RYR2: variants seen among roughly 807,000 people sequenced by gnomAD.
RYR2 encodes ryanodine receptor 2.
A neutral mutation model predicts 601.1 loss-of-function variants in RYR2; 227 were observed. The observed-to-expected ratio is 0.38, with a 90% CI of 0.34 to 0.42. The LOEUF is 0.42. Ranked by LOEUF, RYR2 falls within the 10% of genes least tolerant of loss-of-function variation. The probability of loss-of-function intolerance (pLI) is 1.00; values close to 1 mark genes in which losing one functional copy is unlikely to be tolerated. For missense variants in RYR2, 4,646 were observed against 6,156.5 expected (o/e 0.75, Z 8.21); for synonymous variants, 2,223 against 2,175.1 (o/e 1.02, Z -0.61).
intron 73 of RYR2, among the ~76,000 whole-genome samples, chr1:237,720,253 G>A (rs1689609443): frequency 6.6e-6 from 1 of 152,114 alleles, no homozygotes; most frequent in Admixed American, 6.5e-5. Context: ...ATACGCAAAT[G>A]TCAAAAAGTA....
chr1:237,640,435 G>T (rs1380695160), intron 46 of RYR2, among the ~76,000 whole-genome samples: 1 of 152,208 alleles, frequency 6.6e-6, no homozygotes, highest in Non-Finnish European at 1.5e-5. Flanking sequence ...GTGAGCAAGT[G>T]CAATAACATT....
At chr1:237,121,920 A>G (rs1296328109) in intron 1 of RYR2, among the ~76,000 whole-genome samples, 3 of 152,240 alleles carry the variant, frequency 2.0e-5, no homozygotes, top group Non-Finnish European at 4.4e-5. Context: ...AGGAAAACAG[A>G]CAATGGATGA....
At position 237,794,981 on chromosome 1, in the gene RYR2, C is replaced by T. The variant is rs114492174; in HGVS notation, c.13914-308C>T. Among the ~76,000 whole-genome samples, 2,722 of 152,268 alleles carry T rather than the reference C, an allele frequency of 0.018. 88 individuals carry two copies. The highest frequency in any genetic ancestry group is 0.063 in the African/African-American group (2,607 of 41,552). ...TTAATTTTTAAAGGCAATTGATAAA[C>T]AGGTCTATGTACTGATATGTTATAA... On this transcript the variant is annotated intron_variant, in intron 95 of 104. Transcript: ENST00000366574.
In RYR2 at chr1:237,550,529, T is replaced by A. The variant is rs185110433; in HGVS notation, c.3067-15T>A. On this transcript the variant is annotated splice_polypyrimidine_tract_variant and intron_variant, in intron 26 of 104. Transcript: ENST00000366574. ...TGGTATTGCTTTGACGGCTGCACCC[T>A]GTGTTTTCCTGCAGGACGTAAAGAA... 6.2e-7 allele frequency: 1 copy of A among 1,606,394 alleles called. No individual in the cohort carries two copies. Among genetic ancestry groups the A allele is most frequent in the East Asian group, 2.2e-5 (1 of 44,712 alleles).
chr1:237,148,530 ATATAT>A lies in RYR2; in HGVS notation c.48+105962_48+105966del, dbSNP rs1558319957. ...GAACTTCAAGTAAAAAAAAAAAAAT[ATATAT>A]ATATATATATATATATATACACACA... is the stretch of plus-strand genomic sequence containing the variant. On this transcript the variant is annotated intron_variant, in intron 1 of 104. Transcript: ENST00000366574. 5.5e-3 allele frequency among the ~76,000 whole-genome samples: 246 copies of A among 44,396 alleles called. 6 individuals are homozygous for A. The highest frequency in any genetic ancestry group is 0.015 in the African/African-American group (219 of 14,436). The allele number at this position is 44,396 out of a possible 152,430, so 29.1% of individuals were successfully genotyped here.
chr1:237,107,445 C>CTG (rs1668839324), intron 1 of RYR2, among the ~76,000 whole-genome samples: 1 of 127,486 alleles, frequency 7.8e-6, no homozygotes, highest in Non-Finnish European at 1.6e-5. Context: ...GGCGTGAACC[C>CTG]AGAGGTGGAG....
intron 16 of RYR2, among the ~76,000 whole-genome samples, chr1:237,467,493 T>C (rs1660213512): frequency 6.6e-6 from 1 of 152,106 alleles, no homozygotes. Flanking sequence ...TACTCTGCAG[T>C]CTGTGAGTAT....
At chr1:237,219,574 A>T (rs1041772268) in intron 1 of RYR2, among the ~76,000 whole-genome samples, 6 of 152,162 alleles carry the variant, frequency 3.9e-5, no homozygotes, top group Non-Finnish European at 8.8e-5. Flanking sequence ...TCTACAAATC[A>T]GGGTGTGATA....
intron 1 of RYR2, among the ~76,000 whole-genome samples, chr1:237,145,669 T>C (rs181991152): frequency 4.1e-4 from 62 of 152,332 alleles, no homozygotes; most frequent in African/African-American, 1.5e-3. Context: ...ATAGACCTAC[T>C]ATACCCATAA....
At chr1:237,435,454 G>T (rs1707247075) in intron 12 of RYR2, among the ~76,000 whole-genome samples, 1 of 152,034 alleles carries the variant, frequency 6.6e-6, no homozygotes, top group African/African-American at 2.4e-5. Context: ...GTTATACAAA[G>T]TTACCCATGG....
At chr1:237,127,717 C>A (rs567776417) in intron 1 of RYR2, among the ~76,000 whole-genome samples, 1 of 149,118 alleles carries the variant, frequency 6.7e-6, no homozygotes, top group East Asian at 2.0e-4. Context: ...GGGTCGCGGC[C>A]GGGCAGAGGT....
At chr1:237,448,503 A>G (rs73106476) in intron 14 of RYR2, among the ~76,000 whole-genome samples, 1,843 of 152,236 alleles carry the variant, frequency 0.012, 38 homozygotes, top group East Asian at 0.077. Flanking sequence ...AAAAGTGTCA[A>G]TTTAGTATTA....
Position 237,688,827 on chromosome 1 carries a change from G to A in RYR2, c.9067+1323G>A, listed in dbSNP as rs1474704136. ...TTATACATATCAGCTGCCCTTTTGC[G>A]GTCTTATTAATGAGCATAATAATAC... On this transcript the variant is annotated intron_variant, in intron 63 of 104. Transcript: ENST00000366574. Among the ~76,000 whole-genome samples the A allele has an allele frequency of 5.9e-5, 9 of 152,030 alleles. No homozygotes were observed. In the South Asian group the frequency reaches 8.3e-4, roughly 14 times the overall value.
intron 1 of RYR2, among the ~76,000 whole-genome samples, chr1:237,266,108 A>G (rs1427531085): frequency 6.6e-6 from 1 of 152,238 alleles, no homozygotes; most frequent in Non-Finnish European, 1.5e-5. Context: ...TTCAGCACTC[A>G]GAAACACTAT....
intron 1 of RYR2, among the ~76,000 whole-genome samples, chr1:237,240,470 A>G (rs964998737): frequency 6.6e-6 from 1 of 152,074 alleles, no homozygotes; most frequent in Non-Finnish European, 1.5e-5. Flanking sequence ...TATACTGTTC[A>G]TGGTCCTGTT....
chr1:237,649,972 T>C lies in RYR2; in HGVS notation c.7608T>C (p.Ala2536=), dbSNP rs367987360. Reference sequence around the variant, plus strand: ...TAACAAGATGTGCTCCTCTCTTTGCTGGCACAGAGCACCACGCTTCTCTCA... The same window carrying C: ...TAACAAGATGTGCTCCTCTCTTTGCCGGCACAGAGCACCACGCTTCTCTCA... ...PLLTRCAPLF[A]GTEHHASLID... Residue 2536 remains alanine, a synonymous_variant, in exon 50 of 105, where the codon GCT becomes GCC. Transcript: ENST00000366574. The C allele has an allele frequency of 1.4e-4, 230 of 1,613,914 alleles. 1 individual carries two copies. The highest frequency in any genetic ancestry group is 1.2e-3 in the South Asian group (112 of 91,088).
At chr1:237,439,852 G>GCTCA (rs973194247) in intron 12 of RYR2, among the ~76,000 whole-genome samples, 1 of 151,728 alleles carries the variant, frequency 6.6e-6, no homozygotes. Context: ...AATGTTAGAG[G>GCTCA]CTCACTGTTC....
intron 1 of RYR2, among the ~76,000 whole-genome samples, chr1:237,163,680 C>T (rs2490360): frequency 0.54 from 82,314 of 151,412 alleles, 24,023 homozygotes; most frequent in Non-Finnish European, 0.65. Flanking sequence ...AAAACAGAGA[C>T]GGAAGAGGGA....
chr1:237,306,127 G>A (rs1393611966), intron 2 of RYR2, among the ~76,000 whole-genome samples: 1 of 152,114 alleles, frequency 6.6e-6, no homozygotes, highest in Non-Finnish European at 1.5e-5. Flanking sequence ...AAACTGAGAA[G>A]AGAAAGAAAA....
Sources: gnomAD v4.1 joint callset for allele counts (sites outside exome capture counted in the v4.1 genomes callset) on GRCh38, gnomAD v4.1.1 for gene constraint, MANE v1.5 for transcripts, NCBI Gene and HGNC (gene_info 2026-07-23, HGNC 2026-07-21) for gene names.